SLC1A3: variants seen among roughly 807,000 people sequenced by gnomAD.
The protein encoded by SLC1A3 is excitatory amino acid transporter 1.
A neutral mutation model predicts 48.1 loss-of-function variants in SLC1A3; 21 were observed. That is an observed-to-expected ratio of 0.44 (90% confidence interval 0.31 to 0.63). The LOEUF (loss-of-function observed/expected upper bound fraction) is 0.63. SLC1A3 is among the 20% of genes least tolerant of loss of function. SLC1A3 has a pLI of 0.08. For synonymous variants in SLC1A3, 239 were observed against 251.4 expected, an observed-to-expected ratio of 0.95 and a Z score of 0.47; for missense variants, 546 against 689.0, an observed-to-expected ratio of 0.79 and a Z score of 2.32.
intron 3 of SLC1A3, among the ~76,000 whole-genome samples, chr5:36,639,485 G>C (rs1440305676): frequency 1.3e-5 from 2 of 152,146 alleles, no homozygotes; most frequent in Non-Finnish European, 1.5e-5. Flanking sequence ...TGAATGATTA[G>C]GGTATCTCTA....
At chr5:36,665,567 A>G (rs1277537584) in intron 3 of SLC1A3, among the ~76,000 whole-genome samples, 2 of 152,246 alleles carry the variant, frequency 1.3e-5, no homozygotes, top group Non-Finnish European at 2.9e-5. Flanking sequence ...TTTATTATGT[A>G]CCTGTTTAAT....
At chr5:36,680,957 G>C (rs940420077) in intron 8 of SLC1A3, among the ~76,000 whole-genome samples, 1 of 151,888 alleles carries the variant, frequency 6.6e-6, no homozygotes, top group Non-Finnish European at 1.5e-5. Flanking sequence ...ACAAGAGGAT[G>C]ACCAGGGTTG....
intron 3 of SLC1A3, among the ~76,000 whole-genome samples, chr5:36,665,207 A>G (rs567503204): frequency 3.6e-4 from 51 of 143,498 alleles, no homozygotes; most frequent in Admixed American, 2.4e-3. Context: ...TAGTAACCCA[A>G]TCTAAGTGTT....
rs540436317 is a variant in SLC1A3, at chr5:36,684,982, C to T, written c.1424+984C>T. ...CAGTCAGCATCAGTTAACATGAGCA[C>T]TCTCATATAAAGCTACAGTTCTCCA... is the stretch of plus-strand genomic sequence containing the variant. On this transcript the variant is annotated intron_variant, in intron 9 of 9. Coordinates refer to ENST00000265113, the MANE Select transcript of SLC1A3 (RefSeq NM_004172.5). Among the ~76,000 whole-genome samples, 14 of 152,224 alleles carry T rather than the reference C, an allele frequency of 9.2e-5. 1 individual carries two copies. The highest frequency in any genetic ancestry group is 5.9e-5 in the Non-Finnish European group (4 of 68,046).
chr5:36,614,789 G>T (rs954911798), intron 2 of SLC1A3, among the ~76,000 whole-genome samples: 7 of 152,190 alleles, frequency 4.6e-5, no homozygotes, highest in Non-Finnish European at 1.0e-4. Flanking sequence ...TCTGGTCAGA[G>T]TGGGGGCTGG....
intron 3 of SLC1A3, among the ~76,000 whole-genome samples, chr5:36,633,515 G>A (rs1056508116): frequency 2.0e-5 from 3 of 152,064 alleles, no homozygotes; most frequent in East Asian, 1.9e-4. Context: ...TGTTTATTGC[G>A]CTTCTACTAT....
Position 36,620,065 on chromosome 5 carries a change from T to A in SLC1A3, c.182-9385T>A, listed in dbSNP as rs79807101. 5.1e-3 allele frequency among the ~76,000 whole-genome samples: 783 copies of A among 152,306 alleles called. 9 individuals carry two copies. Among genetic ancestry groups the A allele is most frequent in the African/African-American group, 0.018 (756 of 41,556 alleles). On this transcript the variant is annotated intron_variant, in intron 2 of 9. Transcript: ENST00000265113. ...GAAGAGATTGTGTGATTTGAAGATATGGAAACAGGCAGACCTAAGTTTGCC... is the reference window on the plus strand; with the variant it reads ...GAAGAGATTGTGTGATTTGAAGATAAGGAAACAGGCAGACCTAAGTTTGCC...
intron 9 of SLC1A3, among the ~76,000 whole-genome samples, chr5:36,685,191 TC>T (rs1269910066): frequency 6.6e-6 from 1 of 152,262 alleles, no homozygotes; most frequent in African/African-American, 2.4e-5. Context: ...GAATTTATTA[TC>T]ATCTTTAAAC....
upstream of SLC1A3, among the ~76,000 whole-genome samples, chr5:36,604,917 G>GGT (rs1554037872): frequency 4.4e-5 from 6 of 134,946 alleles, no homozygotes; most frequent in African/African-American, 1.1e-4. Flanking sequence ...GGGGGGGGGG[G>GGT]GTGTGCAAAT....
chr5:36,609,965 T>C (rs980441973), intron 2 of SLC1A3, among the ~76,000 whole-genome samples: 4 of 152,228 alleles, frequency 2.6e-5, no homozygotes, highest in African/African-American at 9.7e-5. Context: ...TATATAGTAC[T>C]ATTCCAGCTA....
chr5:36,611,332 CTT>C lies in SLC1A3; in HGVS notation c.181+2731_181+2732del, dbSNP rs1188610833. 3.8e-5 allele frequency among the ~76,000 whole-genome samples: 5 copies of C among 130,900 alleles called. No individual in the cohort carries two copies. The East Asian group carries it at 1.1e-3, about 29-fold the overall frequency. 85.9% of individuals were successfully genotyped at this position (130,900 alleles called of 152,430 possible). On this transcript the variant is annotated intron_variant, in intron 2 of 9. Coordinates refer to ENST00000265113, the MANE Select transcript of SLC1A3 (RefSeq NM_004172.5). ...GGAAAACCTATGTACTGGGTTGAAT[CTT>C]TTGTTTAGACTGTTTTTTTTTTTTG...
At chr5:36,676,572 A>G (rs1742215101) in intron 5 of SLC1A3, among the ~76,000 whole-genome samples, 1 of 152,212 alleles carries the variant, frequency 6.6e-6, no homozygotes, top group African/African-American at 2.4e-5. Flanking sequence ...GCAAAAGCAC[A>G]TGCATGTGTT....
At chr5:36,625,682 A>G (rs1449328575) in intron 2 of SLC1A3, among the ~76,000 whole-genome samples, 1 of 152,210 alleles carries the variant, frequency 6.6e-6, no homozygotes, top group African/African-American at 2.4e-5. Context: ...ATGTGTCTGA[A>G]TCTACTATCA....
In SLC1A3 at chr5:36,608,933, G is replaced by A. The variant is rs1315236332; in HGVS notation, c.181+329G>A. 3 of 1,044,508 alleles carry A rather than the reference G, an allele frequency of 2.9e-6. No individual in the cohort carries two copies. In the African/African-American group the frequency reaches 5.1e-5, roughly 18 times the overall value. 64.7% of individuals were successfully genotyped at this position (1,044,508 alleles called of 1,614,324 possible). A position where few individuals can be genotyped will look rare whatever the true frequency, so the allele number is the denominator to read the frequency against. On this transcript the variant is annotated intron_variant, in intron 2 of 9. Coordinates refer to ENST00000265113, the MANE Select transcript of SLC1A3 (RefSeq NM_004172.5). Reference sequence around the variant, plus strand: ...TGACAAAGCAAGCATGCTAGATTTGGCCAAAATGTAATTATATACAATGTC... The same window carrying A: ...TGACAAAGCAAGCATGCTAGATTTGACCAAAATGTAATTATATACAATGTC...
Position 36,608,510 on chromosome 5 carries a change from C to G in SLC1A3, c.87C>G (p.Ala29=). 1 of 1,613,924 alleles carries G rather than the reference C, an allele frequency of 6.2e-7. No homozygotes were observed. The highest frequency in any genetic ancestry group is 8.5e-7 in the Non-Finnish European group (1 of 1,179,876). ...GAGTCCGTAAACGCACACTTTTGGC[C>G]AAGAAGAAAGTGCAGAACATTACAA... ...QQGVRKRTLL[A]KKKVQNITKE... is the part of the protein sequence containing the mutation. Residue 29 remains alanine (A), a synonymous_variant, in exon 2 of 10, where the codon GCC becomes GCG. Transcript: ENST00000265113.
At chr5:36,652,347 A>C (rs950511656) in intron 3 of SLC1A3, among the ~76,000 whole-genome samples, 4 of 151,654 alleles carry the variant, frequency 2.6e-5, no homozygotes, top group Admixed American at 1.3e-4. Flanking sequence ...CACACACACA[A>C]CATTCACTCT....
At chr5:36,652,805 A>G (rs1741136554) in intron 3 of SLC1A3, among the ~76,000 whole-genome samples, 1 of 152,186 alleles carries the variant, frequency 6.6e-6, no homozygotes. Flanking sequence ...TTACATACCC[A>G]CACTTTCCCC....
upstream of SLC1A3, among the ~76,000 whole-genome samples, chr5:36,605,792 C>T (rs931022383): frequency 1.4e-4 from 21 of 152,020 alleles, no homozygotes; most frequent in Non-Finnish European, 2.9e-5. Context: ...CTCAAGTTAC[C>T]TTCTCAAGGC....
intron 3 of SLC1A3, among the ~76,000 whole-genome samples, chr5:36,661,173 A>G (rs1741495813): frequency 6.6e-6 from 1 of 152,222 alleles, no homozygotes; most frequent in African/African-American, 2.4e-5. Context: ...GCACTTTGGG[A>G]GGTCCAGGCG....
Sources: allele counts gnomAD v4.1 joint callset (sites outside exome capture counted in the v4.1 genomes callset), GRCh38; gene constraint gnomAD v4.1.1; transcripts MANE v1.5; gene names NCBI Gene and HGNC (gene_info 2026-07-23, HGNC 2026-07-21).